ZNF34: variants seen among roughly 807,000 people sequenced by gnomAD.
ZNF34 encodes the protein zinc finger protein 34 (KOX 32).
ZNF34 carries 8 observed loss-of-function variants against 14.4 expected under a neutral mutation model. The observed-to-expected ratio is 0.55, with a 90% CI of 0.33 to 1.00. The LOEUF is 1.00. Among genes scored for constraint, ZNF34 ranks in the 50% least tolerant of loss-of-function variants. The probability of loss-of-function intolerance (pLI) is 0.03; values close to 1 mark genes in which losing one functional copy is unlikely to be tolerated. For synonymous variants in ZNF34, 235 were observed against 247.9 expected, an observed-to-expected ratio of 0.95 and a Z score of 0.49; for missense variants, 538 against 674.2, an observed-to-expected ratio of 0.80 and a Z score of 2.24.
Position 144,777,006 on chromosome 8 carries a change from G to A in ZNF34, c.280+452C>T, listed in dbSNP as rs560570729. On this transcript the variant is annotated intron_variant, in intron 5 of 5. Transcript: ENST00000429371. The surrounding 1 kb of genome is among the most constrained non-coding windows in gnomAD (Gnocchi z 4.8). The stretch of plus-strand genomic sequence containing the variant: ...CAGAAATATACTACAACACAACTAT[G>A]TCTGGGTAGTGAGATTCAGGGTGAT... 6.6e-5 allele frequency among the ~76,000 whole-genome samples: 10 copies of A among 151,898 alleles called. No individual in the cohort carries two copies. The highest frequency in any genetic ancestry group is 3.3e-4 in the Admixed American group (5 of 15,250).
intron 1 of ZNF34, among the ~76,000 whole-genome samples, chr8:144,781,362 G>A (rs928981265): frequency 6.7e-5 from 10 of 150,326 alleles, no homozygotes; most frequent in African/African-American, 1.2e-4. Flanking sequence ...TCTGCCTCCC[G>A]GGTTCACGCC....
chr8:144,774,619 C>T lies in ZNF34; in HGVS notation c.281-14G>A. On this transcript the variant is annotated splice_polypyrimidine_tract_variant and intron_variant, in intron 5 of 5. Transcript: ENST00000429371. ...TGGTCCCAAGAGCTGAAACAAAAAA[C>T]AGAACATCTAAGGGTCACCTGCTCT... 5.0e-6 allele frequency: 8 copies of T among 1,602,372 alleles called. No homozygotes were observed. The highest frequency in any genetic ancestry group is 6.8e-6 in the Non-Finnish European group (8 of 1,174,738).
intron 1 of ZNF34, among the ~76,000 whole-genome samples, chr8:144,781,032 A>C (rs557526001): frequency 6.0e-4 from 90 of 150,098 alleles, no homozygotes; most frequent in African/African-American, 2.2e-3. Flanking sequence ...GCTACTTGGG[A>C]GGCTGAGGCA....
In ZNF34 at chr8:144,776,070, T is replaced by C. The variant is rs139733012; in HGVS notation, c.280+1388A>G. Among the ~76,000 whole-genome samples, 790 of 152,278 alleles carry C rather than the reference T, an allele frequency of 5.2e-3. 7 individuals carry two copies. Among genetic ancestry groups the C allele is most frequent in the African/African-American group, 0.018 (761 of 41,564 alleles). On this transcript the variant is annotated intron_variant, in intron 5 of 5. Transcript: ENST00000429371. ...GCACAGTGGCTGTAATCCCAGCACT[T>C]TGGGAGGCCAAGGCAGGCGGATCAC... is the stretch of plus-strand genomic sequence containing the variant.
At chr8:144,785,104 G>GT (rs1274860800) in intron 1 of ZNF34, among the ~76,000 whole-genome samples, 3,068 of 73,540 alleles carry the variant, frequency 0.042, 264 homozygotes, top group African/African-American at 0.12. Flanking sequence ...GCCAGACCCT[G>GT]CCAAAAAAAA....
rs944189060 is a variant in ZNF34 at position 144,773,016 on chromosome 8, C to T, written c.*250G>A. 6 of 406,132 alleles carry T rather than the reference C, an allele frequency of 1.5e-5. No homozygotes were observed. In the Admixed American group the frequency reaches 2.4e-4, roughly 16 times the overall value. The allele number at this position is 406,132 out of a possible 1,614,324, so 25.2% of individuals were successfully genotyped here. A position where few individuals can be genotyped will look rare whatever the true frequency, so the allele number is the denominator to read the frequency against. ...GTATGTCTCGAAAATATTCGTAAAT[C>T]AGCAGCAATGAATTTTTTTTCTAAG... On this transcript the variant is annotated 3_prime_UTR_variant, in exon 6 of 6. Coordinates refer to ENST00000429371, the MANE Select transcript of ZNF34 (RefSeq NM_001286769.2). The surrounding 1 kb of genome is among the most constrained non-coding windows in gnomAD (Gnocchi z 5.4).
chr8:144,780,163 C>T, intron 2 of ZNF34, 65 bp downstream of exon 2: 4 of 1,334,002 alleles, frequency 3.0e-6, no homozygotes, highest in Non-Finnish European at 4.2e-6. Context: ...CACCACTGCA[C>T]TCCAGCCTGG....
Position 144,786,914 on chromosome 8 carries a change from G to C in ZNF34, c.-108+365C>G, listed in dbSNP as rs1318947502. On this transcript the variant is annotated intron_variant, in intron 1 of 5. Transcript: ENST00000429371. ...AAGCTGACAGGAGAGGAGCGTGGGA[G>C]GGAGCCGGGATGGGAAGCCTCGGGC... is the stretch of plus-strand genomic sequence containing the variant. Among the ~76,000 whole-genome samples, 7 of 152,198 alleles carry C rather than the reference G, an allele frequency of 4.6e-5. 2 individuals carry two copies. The highest frequency in any genetic ancestry group is 1.7e-4 in the African/African-American group (7 of 41,548).
intron 1 of ZNF34, chr8:144,785,603 G>GA (rs1482183117): frequency 2.6e-5 from 4 of 152,140 alleles, no homozygotes; most frequent in Admixed American, 2.0e-4. Flanking sequence ...TTTTAATTAA[G>GA]AAAAAATGTA....
chr8:144,775,319 G>A (rs1825436970), intron 5 of ZNF34, among the ~76,000 whole-genome samples: 1 of 152,172 alleles, frequency 6.6e-6, no homozygotes, highest in East Asian at 1.9e-4. Flanking sequence ...GGACGGCTTG[G>A]CAACCTTATC....
At chr8:144,782,380 C>T (rs886347494) in intron 1 of ZNF34, among the ~76,000 whole-genome samples, 10 of 151,332 alleles carry the variant, frequency 6.6e-5, no homozygotes, top group Non-Finnish European at 1.2e-4. Flanking sequence ...ATCCCAGTAA[C>T]TTGGGAGACT....
In ZNF34 at chr8:144,780,254, TAGATACATGTG is replaced by T. The variant is rs1431417222; in HGVS notation, c.-92_-82del. On this transcript the variant is annotated 5_prime_UTR_variant, in exon 2 of 6. It removes an upstream start codon present in the reference 5' UTR. Coordinates refer to ENST00000429371, the MANE Select transcript of ZNF34 (RefSeq NM_001286769.2). ...TACCAGAAGCATGAGACTCTCGGAT[TAGATACATGTG>T]ATGCAACTATTTGGCCTAAAATAAA... The T allele has an allele frequency of 1.3e-6, 2 of 1,550,280 alleles. No homozygotes were observed. The highest frequency in any genetic ancestry group is 1.7e-6 in the Non-Finnish European group (2 of 1,146,106).
At chr8:144,785,106 C>CAAAAAAAAAAAAAAAAAAAAA (rs749277788) in intron 1 of ZNF34, among the ~76,000 whole-genome samples, 1 of 50,068 alleles carries the variant, frequency 2.0e-5, no homozygotes. Context: ...CAGACCCTGC[C>CAAAAAAAAAAAAAAAAAAAAA]AAAAAAAAAA....
At chr8:144,780,311 ATT>A (rs1235990646) in intron 1 of ZNF34, 31 bp from the exon 2 acceptor site, 1 of 1,469,330 alleles carries the variant, frequency 6.8e-7, no homozygotes, top group African/African-American at 1.4e-5. Context: ...AAGGCTAAGT[ATT>A]AGTTAATATT....
At chr8:144,786,975 C>T (rs533051976) in intron 1 of ZNF34, among the ~76,000 whole-genome samples, 6 of 152,272 alleles carry the variant, frequency 3.9e-5, no homozygotes, top group Non-Finnish European at 7.4e-5. Flanking sequence ...CATCGGGACG[C>T]AGAAGCCGCT....
chr8:144,786,551 T>C (rs1216654023), intron 1 of ZNF34, among the ~76,000 whole-genome samples: 3 of 151,540 alleles, frequency 2.0e-5, no homozygotes, highest in African/African-American at 4.8e-5. Flanking sequence ...GGAGAATCCC[T>C]TGAACTCGGG....
chr8:144,780,559 G>A (rs1349780269), intron 1 of ZNF34, among the ~76,000 whole-genome samples: 11 of 152,018 alleles, frequency 7.2e-5, no homozygotes, highest in African/African-American at 2.2e-4. Flanking sequence ...AGGCTGAGGC[G>A]GGTGGATCAC....
intron 1 of ZNF34, 43 bp from the exon 2 acceptor site, chr8:144,780,323 T>C: frequency 1.4e-6 from 2 of 1,399,738 alleles, no homozygotes; most frequent in Non-Finnish European, 2.0e-6. Context: ...TAGTTAATAT[T>C]AGATCAAACA....
intron 1 of ZNF34, among the ~76,000 whole-genome samples, chr8:144,780,826 T>C (rs902921649): frequency 6.8e-6 from 1 of 146,194 alleles, no homozygotes; most frequent in Non-Finnish European, 1.5e-5. Context: ...AAATCACTAA[T>C]AGGAATAAAA....
Sources: gnomAD v4.1 joint callset for allele counts (sites outside exome capture counted in the v4.1 genomes callset) on GRCh38, gnomAD v4.1.1 for gene constraint, Gnocchi (gnomAD v3.1) non-coding constraint, MANE v1.5 for transcripts, NCBI Gene and HGNC (gene_info 2026-07-23, HGNC 2026-07-21) for gene names.